Variants in DNAH11 observed in about 807,000 individuals in gnomAD.
The protein encoded by DNAH11 is dynein axonemal heavy chain 11.
Under a neutral mutation model 526.0 loss-of-function variants are expected in DNAH11, and 442 were observed. That is an observed-to-expected ratio of 0.84 (90% CI 0.78 to 0.91). The LOEUF is 0.91. Among genes scored for constraint, DNAH11 ranks in the 40% least tolerant of loss-of-function variants. The pLI, the probability that DNAH11 is intolerant of heterozygous loss-of-function variation, is 0.00. For synonymous variants in DNAH11, 2,461 were observed against 1,935.9 expected (o/e 1.27, Z -7.12); for missense variants, 6,989 against 5,448.7 (o/e 1.28, Z -8.90).
rs10085864 is a variant in DNAH11, at chr7:21,769,932, G to A, written c.9103-3834G>A. On this transcript the variant is annotated intron_variant, in intron 55 of 81. Transcript: ENST00000409508. ...TTCTGCTGGACTTTGTCTTGCCTCT[G>A]ACCAGTAGTTGAGCTCCAGAATTAA... 7.3e-3 allele frequency among the ~76,000 whole-genome samples: 1,104 copies of A among 152,160 alleles called. 12 individuals carry two copies. The highest frequency in any genetic ancestry group is 0.026 in the African/African-American group (1,068 of 41,518).
chr7:21,885,970 G>A (rs1464958599), intron 76 of DNAH11, among the ~76,000 whole-genome samples: 2 of 152,144 alleles, frequency 1.3e-5, no homozygotes, highest in African/African-American at 4.8e-5. Context: ...GGGTGAGCGT[G>A]GTGGCTGTAG....
At position 21,545,162 on chromosome 7, in the gene DNAH11, C is replaced by T. The variant is rs760999829; in HGVS notation, c.495+13C>T. On this transcript the variant is annotated intron_variant, in intron 2 of 81. Coordinates refer to ENST00000409508, the MANE Select transcript of DNAH11 (RefSeq NM_001277115.2). ...TTTCCTTGATGAGGTACTGGTCTGT[C>T]TTTAATATTTAAAGCTTTCACTTAT... 3.2e-6 allele frequency: 5 copies of T among 1,574,232 alleles called. No individual in the cohort carries two copies. Among genetic ancestry groups the T allele is most frequent in the Non-Finnish European group, 4.3e-6 (5 of 1,159,718 alleles).
intron 23 of DNAH11, chr7:21,618,441 C>G (rs986192685): frequency 1.3e-5 from 2 of 152,568 alleles, no homozygotes; most frequent in African/African-American, 4.8e-5. Flanking sequence ...GCTGGCTCAA[C>G]TCTTCACTTA....
intron 22 of DNAH11, among the ~76,000 whole-genome samples, chr7:21,616,680 T>C (rs1207549233): frequency 6.6e-6 from 1 of 152,198 alleles, no homozygotes; most frequent in Non-Finnish European, 1.5e-5. Flanking sequence ...TTGGGGCAAC[T>C]AATAGGAGCA....
intron 65 of DNAH11, among the ~76,000 whole-genome samples, chr7:21,836,477 A>C (rs1287893837): frequency 6.6e-6 from 1 of 152,154 alleles, no homozygotes; most frequent in Non-Finnish European, 1.5e-5. Flanking sequence ...CAAAGTTACC[A>C]AGAATACACA....
intron 54 of DNAH11, among the ~76,000 whole-genome samples, chr7:21,763,463 A>G (rs545033402): frequency 6.6e-6 from 1 of 151,984 alleles, no homozygotes; most frequent in Non-Finnish European, 1.5e-5. Context: ...CACCTCACAT[A>G]GGTTAGGATA....
chr7:21,689,786 G>A (rs1783532243), intron 34 of DNAH11, among the ~76,000 whole-genome samples: 1 of 152,186 alleles, frequency 6.6e-6, no homozygotes, highest in Non-Finnish European at 1.5e-5. Context: ...TCATGATGCA[G>A]ACCCAGCTCC....
chr7:21,561,237 T>G, intron 5 of DNAH11, 67 bp downstream of exon 5: 1 of 1,187,986 alleles, frequency 8.4e-7, no homozygotes, highest in East Asian at 2.5e-5. Flanking sequence ...CCCTGCCTGC[T>G]CGGCCTTGAT....
At chr7:21,598,227 C>A (rs992578186) in intron 14 of DNAH11, among the ~76,000 whole-genome samples, 6 of 152,158 alleles carry the variant, frequency 3.9e-5, no homozygotes, top group Non-Finnish European at 8.8e-5. Flanking sequence ...TCCAATGTCT[C>A]TTTTGCTCTG....
rs886038459 is a variant in DNAH11, at chr7:21,894,914, G to C, written c.12964G>C (p.Ala4322Pro). Residue 4322 changes from alanine to proline, a missense_variant, in exon 79 of 82, where the codon GCC (alanine) becomes CCC (proline). Ala to Pro is a conservative substitution (Grantham distance 27, BLOSUM62 -1). Coordinates refer to ENST00000409508, the MANE Select transcript of DNAH11 (RefSeq NM_001277115.2). ...GELALSPAVE[A>P]QQFALSYDTV... ...ATTGGCATTATCTCCTGCTGTGGAA[G>C]CCCAGCAGTTTGCATTGAGTTATGA... 1.2e-6 allele frequency: 2 copies of C among 1,613,988 alleles called. No homozygotes were observed. Among genetic ancestry groups the C allele is most frequent in the Non-Finnish European group, 1.7e-6 (2 of 1,179,880 alleles).
Position 21,890,548 on chromosome 7 carries a change from A to G in DNAH11, c.12508-1877A>G, listed in dbSNP as rs143691788. Among the ~76,000 whole-genome samples, 88 of 152,356 alleles carry G rather than the reference A, an allele frequency of 5.8e-4. 1 individual carries two copies. The highest frequency in any genetic ancestry group is 2.1e-3 in the African/African-American group (87 of 41,580). Reference sequence around the variant, plus strand: ...TTTCTTTCAATTTCCTAGTAAGCACAAACAGAGAAGACCAACTACTTGTTT... The same window carrying G: ...TTTCTTTCAATTTCCTAGTAAGCACGAACAGAGAAGACCAACTACTTGTTT... On this transcript the variant is annotated intron_variant, in intron 76 of 81. Coordinates refer to ENST00000409508, the MANE Select transcript of DNAH11 (RefSeq NM_001277115.2).
intron 56 of DNAH11, among the ~76,000 whole-genome samples, chr7:21,777,063 T>C (rs1787704147): frequency 6.6e-6 from 1 of 152,118 alleles, no homozygotes; most frequent in Non-Finnish European, 1.5e-5. Context: ...GTTGCCATTT[T>C]ATAACCACAC....
Position 21,860,631 on chromosome 7 carries a change from C to A in DNAH11, c.11203-1222C>A, listed in dbSNP as rs138264975. Among the ~76,000 whole-genome samples the A allele has an allele frequency of 3.3e-3, 500 of 152,284 alleles. 1 individual carries two copies. Among genetic ancestry groups the A allele is most frequent in the African/African-American group, 0.011 (477 of 41,550 alleles). ...TTTTGCCTTAAAAATGAACAAATTT[C>A]TCATACATGCTGCAACGTGGATGAA... On this transcript the variant is annotated intron_variant, in intron 68 of 81. Coordinates refer to ENST00000409508, the MANE Select transcript of DNAH11 (RefSeq NM_001277115.2).
intron 2 of DNAH11, among the ~76,000 whole-genome samples, chr7:21,547,007 G>A (rs1193814002): frequency 6.6e-6 from 1 of 152,166 alleles, no homozygotes; most frequent in Non-Finnish European, 1.5e-5. Flanking sequence ...TATGTCCTTG[G>A]TGAACCTTAC....
chr7:21,893,768 A>T (rs966826550), intron 77 of DNAH11, among the ~76,000 whole-genome samples: 1 of 152,252 alleles, frequency 6.6e-6, no homozygotes, highest in Non-Finnish European at 1.5e-5. Flanking sequence ...TTTCTTTGTT[A>T]AAAATGTTGA....
At chr7:21,881,236 A>C (rs10269223) in intron 75 of DNAH11, among the ~76,000 whole-genome samples, 1 of 152,230 alleles carries the variant, frequency 6.6e-6, no homozygotes, top group Non-Finnish European at 1.5e-5. Context: ...ATGTAATTAC[A>C]TACAGCAATT....
intron 25 of DNAH11, among the ~76,000 whole-genome samples, chr7:21,630,122 T>C (rs1349230170): frequency 6.6e-6 from 1 of 152,054 alleles, no homozygotes; most frequent in Non-Finnish European, 1.5e-5. Context: ...AGAAAAACTA[T>C]ACCAAGTTAT....
At chr7:21,738,151 A>G (rs1785698486) in intron 46 of DNAH11, among the ~76,000 whole-genome samples, 2 of 152,102 alleles carry the variant, frequency 1.3e-5, no homozygotes, top group African/African-American at 4.8e-5. Flanking sequence ...AAAAAAATAG[A>G]CACAAAGTCA....
At chr7:21,583,125 C>A (rs999182023) in intron 9 of DNAH11, among the ~76,000 whole-genome samples, 1 of 152,088 alleles carries the variant, frequency 6.6e-6, no homozygotes, top group Non-Finnish European at 1.5e-5. Context: ...GCATGTATAG[C>A]CAATATAATC....
Sources: allele counts gnomAD v4.1 joint callset (sites outside exome capture counted in the v4.1 genomes callset), GRCh38; gene constraint gnomAD v4.1.1; transcripts MANE v1.5; gene names NCBI Gene and HGNC (gene_info 2026-07-23, HGNC 2026-07-21).